KIF26B: variants seen among roughly 807,000 people sequenced by gnomAD.
KIF26B encodes the protein kinesin family member 26B.
In KIF26B, 63 loss-of-function variants were observed where a neutral mutation model predicts 151.2. The observed-to-expected ratio is 0.42, with a 90% confidence interval of 0.34 to 0.51. The LOEUF (loss-of-function observed/expected upper bound fraction) is 0.51, where lower values mean the gene tolerates loss of function less well. Ranked by LOEUF, KIF26B falls within the 20% of genes least tolerant of loss-of-function variation. KIF26B has a pLI of 0.07. For missense variants in KIF26B, 2,813 were observed against 2,913.6 expected (o/e 0.97, Z 0.79); for synonymous variants, 1,357 against 1,262.1 (o/e 1.08, Z -1.59).
intron 3 of KIF26B, among the ~76,000 whole-genome samples, chr1:245,397,657 A>G (rs1673880829): frequency 6.6e-6 from 1 of 152,222 alleles, no homozygotes; most frequent in Non-Finnish European, 1.5e-5. Flanking sequence ...GATGTTTTTA[A>G]AATTGTGTAG....
Position 245,646,204 on chromosome 1 carries a change from G to C in KIF26B, c.2182G>C (p.Gly728Arg), listed in dbSNP as rs1240138479. Residue 728 changes from glycine (G) to arginine (R), a missense_variant, in exon 10 of 15, where the codon GGG (glycine) becomes CGG (arginine). Gly to Arg is a moderately radical substitution (Grantham distance 125). Coordinates refer to ENST00000407071, the MANE Select transcript of KIF26B (RefSeq NM_018012.4). The part of the protein sequence containing the change: ...ALSKNREGGS[G>R]LCLSLSALGN... ...TAGCAAAAATCGAGAAGGAGGCTCAGGGCTGTGTCTCTCGCTGTCTGCTCT... is the reference window on the plus strand; with the variant it reads ...TAGCAAAAATCGAGAAGGAGGCTCACGGCTGTGTCTCTCGCTGTCTGCTCT... 1.2e-6 allele frequency: 2 copies of C among 1,614,000 alleles called. No individual in the cohort carries two copies. The highest frequency in any genetic ancestry group is 2.2e-5 in the East Asian group (1 of 44,880).
intron 4 of KIF26B, among the ~76,000 whole-genome samples, chr1:245,534,396 C>T (rs1039169125): frequency 6.6e-6 from 1 of 152,006 alleles, no homozygotes; most frequent in African/African-American, 2.4e-5. Flanking sequence ...CTCCTGACCT[C>T]GTGATCTGCC....
At chr1:245,158,340 C>T (rs191824043) in intron 2 of KIF26B, among the ~76,000 whole-genome samples, 4 of 152,290 alleles carry the variant, frequency 2.6e-5, no homozygotes, top group Admixed American at 6.5e-5. Context: ...GAAACTCATA[C>T]GCATCCATCA....
chr1:245,246,900 C>G (rs1297322336), intron 2 of KIF26B, among the ~76,000 whole-genome samples: 7 of 145,638 alleles, frequency 4.8e-5, no homozygotes, highest in South Asian at 2.2e-4. Flanking sequence ...CACAGACACA[C>G]ACACACAGAC....
At chr1:245,402,325 C>T (rs978516499) in intron 3 of KIF26B, among the ~76,000 whole-genome samples, 2 of 152,200 alleles carry the variant, frequency 1.3e-5, no homozygotes, top group African/African-American at 4.8e-5. Context: ...TTCCTTTAAA[C>T]TGGGTGCCTT....
intron 14 of KIF26B, among the ~76,000 whole-genome samples, chr1:245,701,071 G>GAAAC (rs2044764917): frequency 6.6e-6 from 1 of 152,210 alleles, no homozygotes; most frequent in African/African-American, 2.4e-5. Context: ...GGAACAAGCT[G>GAAAC]AAACATCAAT....
intron 4 of KIF26B, among the ~76,000 whole-genome samples, chr1:245,432,455 A>G (rs1477965738): frequency 1.3e-5 from 2 of 152,208 alleles, no homozygotes; most frequent in Non-Finnish European, 2.9e-5. Context: ...GGGACAATAA[A>G]CCAAAGAAAG....
rs1415134349 is a variant in KIF26B, at chr1:245,540,068, ACT to A, written c.1167-696_1167-695del. On this transcript the variant is annotated intron_variant, in intron 4 of 14. Coordinates refer to ENST00000407071, the MANE Select transcript of KIF26B (RefSeq NM_018012.4). This position sits in a 1 kb window ranked among gnomAD's most constrained non-coding sequence, Gnocchi z 4.6. The stretch of plus-strand genomic sequence containing the variant: ...CCCTCCCACCTTTCCCTGCCTTCAC[ACT>A]CTGTGCCCCCTTCAGTGCTTTGACC... Among the ~76,000 whole-genome samples the A allele has an allele frequency of 1.3e-5, 2 of 151,610 alleles. No individual in the cohort carries two copies. The highest frequency in any genetic ancestry group is 2.9e-5 in the Non-Finnish European group (2 of 67,890).
In KIF26B at chr1:245,292,244, G is replaced by A. The variant is rs1414711806; in HGVS notation, c.466-74590G>A. ...TTCAAATCTTGAGTGTGCAGTCTTC[G>A]AAACCCTCTGAGCTCTGTTCCAGAC... On this transcript the variant is annotated intron_variant, in intron 2 of 14. Coordinates refer to ENST00000407071, the MANE Select transcript of KIF26B (RefSeq NM_018012.4). Among the ~76,000 whole-genome samples, 8 of 152,120 alleles carry A rather than the reference G, an allele frequency of 5.3e-5. No homozygotes were observed. The South Asian group carries it at 1.0e-3, about 20-fold the overall frequency.
chr1:245,191,511 A>T lies in KIF26B; in HGVS notation c.465+34828A>T, dbSNP rs559120747. Among the ~76,000 whole-genome samples the T allele has an allele frequency of 5.3e-5, 8 of 152,268 alleles. No individual in the cohort carries two copies. In the South Asian group the frequency reaches 6.2e-4, roughly 12 times the overall value. On this transcript the variant is annotated intron_variant, in intron 2 of 14. Coordinates refer to ENST00000407071, the MANE Select transcript of KIF26B (RefSeq NM_018012.4). ...AAACAAAAAGGATTAAATATATATA[A>T]AAAAATCTAGAAGGAAATATATGGA... is the stretch of plus-strand genomic sequence containing the variant.
chr1:245,590,559 G>A (rs1335404166), intron 5 of KIF26B, among the ~76,000 whole-genome samples: 1 of 152,148 alleles, frequency 6.6e-6, no homozygotes, highest in African/African-American at 2.4e-5. Flanking sequence ...CCAAAAATCA[G>A]GCAGAAGAGC....
At chr1:245,451,960 C>T (rs536604078) in intron 4 of KIF26B, among the ~76,000 whole-genome samples, 3 of 152,212 alleles carry the variant, frequency 2.0e-5, no homozygotes, top group South Asian at 2.1e-4. Context: ...CTAAGATATG[C>T]GATTCTAAGC....
In KIF26B at chr1:245,595,285, T is replaced by C. The variant is rs2043327608; in HGVS notation, c.1351-7292T>C. Among the ~76,000 whole-genome samples, 3 of 152,342 alleles carry C rather than the reference T, an allele frequency of 2.0e-5. No individual in the cohort carries two copies. In the South Asian group the frequency reaches 6.2e-4, roughly 32 times the overall value. On this transcript the variant is annotated intron_variant, in intron 5 of 14. Transcript: ENST00000407071. ...TCCAGCTTTTGCCTATTCAGTATGA[T>C]ATTGGCTGTGGGTTTGTCATAAATA...
At chr1:245,349,813 T>C (rs567974956) in intron 2 of KIF26B, among the ~76,000 whole-genome samples, 29 of 152,330 alleles carry the variant, frequency 1.9e-4, no homozygotes, top group African/African-American at 6.5e-4. Context: ...TGTTTTCAGC[T>C]TCTGAACACA....
intron 2 of KIF26B, among the ~76,000 whole-genome samples, chr1:245,355,729 C>T (rs542829076): frequency 2.2e-4 from 33 of 152,106 alleles, no homozygotes; most frequent in South Asian, 1.2e-3. Context: ...GCTATGTCTC[C>T]GGGGCTATTT....
chr1:245,426,856 T>C lies in KIF26B; in HGVS notation c.1166+7111T>C, dbSNP rs1658661140. ...TCTGATGACCATTATTGCCGCACTC[T>C]CGCTGAGAAGCAACTCAGATAGCGC... On this transcript the variant is annotated intron_variant, in intron 4 of 14. Transcript: ENST00000407071. Among the ~76,000 whole-genome samples, 3 of 152,364 alleles carry C rather than the reference T, an allele frequency of 2.0e-5. No homozygotes were observed. In the South Asian group the frequency reaches 6.2e-4, roughly 32 times the overall value.
At chr1:245,197,085 G>C (rs1669209062) in intron 2 of KIF26B, among the ~76,000 whole-genome samples, 1 of 152,154 alleles carries the variant, frequency 6.6e-6, no homozygotes, top group Non-Finnish European at 1.5e-5. Context: ...ATTCATATTA[G>C]AATCCTCTGC....
intron 2 of KIF26B, among the ~76,000 whole-genome samples, chr1:245,262,744 T>C (rs531645707): frequency 6.6e-6 from 1 of 152,278 alleles, no homozygotes; most frequent in East Asian, 1.9e-4. Flanking sequence ...CGTGAGCCAC[T>C]GCGCCTGGCC....
chr1:245,455,597 A>T (rs981265137), intron 4 of KIF26B, among the ~76,000 whole-genome samples: 2 of 152,238 alleles, frequency 1.3e-5, no homozygotes, highest in Non-Finnish European at 2.9e-5. Flanking sequence ...GCTTAAGGTG[A>T]CGATGCCAAG....
Sources: gnomAD v4.1 joint callset for allele counts (sites outside exome capture counted in the v4.1 genomes callset) on GRCh38, gnomAD v4.1.1 for gene constraint, Gnocchi (gnomAD v3.1) non-coding constraint, MANE v1.5 for transcripts, NCBI Gene and HGNC (gene_info 2026-07-23, HGNC 2026-07-21) for gene names.